The following BLTP3A variants were observed in gnomAD, a reference collection of about 807,000 sequenced individuals.
The protein encoded by BLTP3A is bridge-like lipid transfer protein family member 3A, also known as ICBP90 binding protein 1.
the BLTP3A span, among the ~76,000 whole-genome samples, chr6:34,850,676 A>AT: frequency 6.6e-6 from 1 of 151,720 alleles, no homozygotes; most frequent in Admixed American, 6.6e-5. Flanking sequence ...GTGTCAGCTG[A>AT]TTTTTTTCAG....
the BLTP3A span, among the ~76,000 whole-genome samples, chr6:34,841,887 T>C: frequency 1.1e-4 from 17 of 152,344 alleles, no homozygotes; most frequent in African/African-American, 4.1e-4. Flanking sequence ...TACCACCTAC[T>C]TTTTAACTGT....
the BLTP3A span, chr6:34,873,006 CT>C: frequency 1.3e-5 from 2 of 152,292 alleles, no homozygotes; most frequent in African/African-American, 2.4e-5. Flanking sequence ...TGGACTCTGC[CT>C]TTTTGGGAAA....
the BLTP3A span, among the ~76,000 whole-genome samples, chr6:34,848,748 G>A: frequency 6.6e-6 from 1 of 151,964 alleles, no homozygotes; most frequent in Non-Finnish European, 1.5e-5. Context: ...AGATCACTGG[G>A]TTTTGTTTTT....
chr6:34,832,441 C>CT, the BLTP3A span, among the ~76,000 whole-genome samples: 137 of 146,304 alleles, frequency 9.4e-4, 1 homozygote, highest in African/African-American at 3.1e-3. Flanking sequence ...TCTTCTTTTT[C>CT]TTTTTTTTTT....
At chr6:34,856,353 C>T in the BLTP3A span, 103 of 1,614,020 alleles carry the variant, frequency 6.4e-5, no homozygotes, top group African/African-American at 3.3e-4. Context: ...CATGAAGAGA[C>T]GGGTCTGAAA....
the BLTP3A span, chr6:34,873,162 A>G: frequency 6.6e-6 from 1 of 152,168 alleles, no homozygotes; most frequent in Non-Finnish European, 1.5e-5. Context: ...TTTCCCCTCT[A>G]TAATACAACT....
the BLTP3A span, chr6:34,855,567 T>G: frequency 6.2e-7 from 1 of 1,603,840 alleles, no homozygotes; most frequent in East Asian, 2.2e-5. Flanking sequence ...GGTGGTGGTT[T>G]GGCTTCTTTG....
chr6:34,870,877 A>G, the BLTP3A span: 1 of 1,614,174 alleles, frequency 6.2e-7, no homozygotes, highest in Non-Finnish European at 8.5e-7. Flanking sequence ...GGAATCCTCA[A>G]CTTTGAAGAC....
the BLTP3A span, among the ~76,000 whole-genome samples, chr6:34,827,820 C>CG: frequency 1.6e-4 from 25 of 152,054 alleles, no homozygotes; most frequent in East Asian, 4.5e-3. Context: ...TTAGTAAGGA[C>CG]GGGGTTTCAC....
At chr6:34,875,282 A>C in the BLTP3A span, 2 of 152,470 alleles carry the variant, frequency 1.3e-5, no homozygotes, top group Admixed American at 1.3e-4. Flanking sequence ...TCAAAGGCAG[A>C]ATGTTGATCT....
chr6:34,800,610 C>G, the BLTP3A span, among the ~76,000 whole-genome samples: 2 of 151,958 alleles, frequency 1.3e-5, no homozygotes, highest in Non-Finnish European at 2.9e-5. Flanking sequence ...ATTAAAGTAC[C>G]GGTGCTGAAT....
chr6:34,825,201 T>C, the BLTP3A span, among the ~76,000 whole-genome samples: 1 of 152,236 alleles, frequency 6.6e-6, no homozygotes, highest in South Asian at 2.1e-4. Flanking sequence ...TCATTTAATC[T>C]GGTAGATTTA....
At chr6:34,821,020 G>A in the BLTP3A span, among the ~76,000 whole-genome samples, 3 of 148,782 alleles carry the variant, frequency 2.0e-5, no homozygotes, top group Non-Finnish European at 3.0e-5. Flanking sequence ...GCAATGGCAC[G>A]ATTTCAGCTC....
At chr6:34,832,804 G>T in the BLTP3A span, among the ~76,000 whole-genome samples, 3 of 151,812 alleles carry the variant, frequency 2.0e-5, no homozygotes, top group Non-Finnish European at 4.4e-5. Flanking sequence ...GTCCATACTT[G>T]GTCCCACTTT....
chr6:34,836,074 A>C, the BLTP3A span: 1 of 1,506,334 alleles, frequency 6.6e-7, no homozygotes, highest in Non-Finnish European at 8.9e-7. Context: ...GGTTTTCTTC[A>C]GGCTGGACCA....
At chr6:34,858,059 T>TG in the BLTP3A span, 1 of 1,575,892 alleles carries the variant, frequency 6.3e-7, no homozygotes, top group African/African-American at 1.4e-5. Flanking sequence ...TACATGTGTA[T>TG]TAATAGTGGG....
At chr6:34,815,629 G>A in the BLTP3A span, among the ~76,000 whole-genome samples, 47 of 152,056 alleles carry the variant, frequency 3.1e-4, no homozygotes, top group Non-Finnish European at 7.4e-5. Flanking sequence ...GCAAAAATAC[G>A]TGTAATTATT....
the BLTP3A span, chr6:34,857,296 T>G: frequency 6.2e-7 from 1 of 1,612,784 alleles, no homozygotes; most frequent in Non-Finnish European, 8.5e-7. Context: ...TAAGTTTGAT[T>G]GTTGATACTA....
the BLTP3A span, among the ~76,000 whole-genome samples, chr6:34,801,722 TTTATTTATTTA>T: frequency 1.3e-5 from 2 of 151,958 alleles, no homozygotes; most frequent in African/African-American, 4.8e-5. Context: ...TATTTATTTA[TTTATTTATTTA>T]TTTTTTGAGA....
Sources: allele counts gnomAD v4.1 joint callset (sites outside exome capture counted in the v4.1 genomes callset), GRCh38; gene constraint gnomAD v4.1.1; transcripts MANE v1.5; gene names NCBI Gene and HGNC (gene_info 2026-07-23, HGNC 2026-07-21).